SLC9A8: variants seen among roughly 807,000 people sequenced by gnomAD.
SLC9A8 encodes solute carrier family 9 member A8, also known as sodium/hydrogen exchanger 8.
SLC9A8 carries 48 observed loss-of-function variants against 66.6 expected under a neutral mutation model. The ratio of observed to expected loss-of-function variants is 0.72; its 90% CI spans 0.57 to 0.92. The LOEUF (loss-of-function observed/expected upper bound fraction) is 0.92. Among genes scored for constraint, SLC9A8 ranks in the 40% least tolerant of loss-of-function variants. The pLI, the probability that SLC9A8 is intolerant of heterozygous loss-of-function variation, is 0.00. For missense variants in SLC9A8, 599 were observed against 747.3 expected (o/e 0.80, Z 2.31); for synonymous variants, 274 against 282.6 (o/e 0.97, Z 0.31).
At chr20:49,835,270 GCAC>G (rs1186850685) in intron 3 of SLC9A8, among the ~76,000 whole-genome samples, 2 of 151,576 alleles carry the variant, frequency 1.3e-5, no homozygotes, top group African/African-American at 4.9e-5. Context: ...GTTCAATGCA[GCAC>G]CACTGTTAAT....
In SLC9A8 at chr20:49,886,977, T is replaced by G; in HGVS notation, c.1638+79T>G. ...GGACCTGCGGTGGCCCAGGGTGGGG[T>G]GGAGGAAGAGTGGGGAGGCAGGAAA... On this transcript the variant is annotated intron_variant, in intron 15 of 15. Transcript: ENST00000361573. This position sits in a 1 kb window ranked among gnomAD's most constrained non-coding sequence, Gnocchi z 4.8. The G allele has an allele frequency of 6.7e-7, 1 of 1,494,764 alleles. No individual in the cohort carries two copies. The highest frequency in any genetic ancestry group is 1.3e-5 in the South Asian group (1 of 76,248). The allele number at this position is 1,494,764 out of a possible 1,614,324, so 92.6% of individuals were successfully genotyped here. A position where few individuals can be genotyped will look rare whatever the true frequency, so the allele number is the denominator to read the frequency against.
chr20:49,836,925 TCTGGGAG>T (rs1035548220), intron 3 of SLC9A8, among the ~76,000 whole-genome samples: 1 of 152,202 alleles, frequency 6.6e-6, no homozygotes, highest in Non-Finnish European at 1.5e-5. Context: ...GAAAGGTCAA[TCTGGGAG>T]CTGCTTAGGA....
rs1299299488 is a variant in SLC9A8, at chr20:49,862,961, C to T, written c.746C>T (p.Ser249Leu). 1 of 1,613,344 alleles carries T rather than the reference C, an allele frequency of 6.2e-7. No individual in the cohort carries two copies. The highest frequency in any genetic ancestry group is 8.5e-7 in the Non-Finnish European group (1 of 1,179,440). Residue 249 changes from serine (S) to leucine (L), a missense_variant, in exon 9 of 16, where the codon TCA becomes TTA. Physicochemically the swap from Ser to Leu is moderately radical, Grantham distance 145. Around this residue, in one of 2 missense-constraint regions of SLC9A8, gnomAD observed 467 missense variants for 626.5 expected, o/e 0.75. Coordinates refer to ENST00000361573, the MANE Select transcript of SLC9A8 (RefSeq NM_015266.3). ...TAEGLTRKNMSDVSGWQTFLQ... is the reference protein window; with the variant it reads ...TAEGLTRKNMLDVSGWQTFLQ... ...GAAGGTTTAACAAGAAAAAATATGT[C>T]AGATGTCAGTGGGTGGCAAACATTT...
intron 4 of SLC9A8, among the ~76,000 whole-genome samples, chr20:49,844,660 C>T (rs1223776734): frequency 6.9e-6 from 1 of 145,186 alleles, no homozygotes; most frequent in African/African-American, 2.5e-5. Flanking sequence ...ATTAGCCCGG[C>T]ATGGTAGCAC....
chr20:49,870,897 A>G (rs777995576), intron 10 of SLC9A8, among the ~76,000 whole-genome samples: 15 of 152,006 alleles, frequency 9.9e-5, no homozygotes, highest in Non-Finnish European at 2.1e-4. Context: ...AGCCAGTCTC[A>G]CTCTGTTGTT....
intron 14 of SLC9A8, among the ~76,000 whole-genome samples, chr20:49,885,902 C>T (rs1197788307): frequency 1.3e-5 from 2 of 152,200 alleles, no homozygotes; most frequent in African/African-American, 4.8e-5. Flanking sequence ...CACTGGAAAC[C>T]TGTTAGATCT....
At chr20:49,872,085 C>G (rs566305293) in intron 10 of SLC9A8, among the ~76,000 whole-genome samples, 11 of 152,170 alleles carry the variant, frequency 7.2e-5, no homozygotes, top group African/African-American at 2.7e-4. Flanking sequence ...CACCATTGCA[C>G]TCCAGCCTGG....
At chr20:49,854,377 G>A (rs1307753971) in intron 7 of SLC9A8, among the ~76,000 whole-genome samples, 2 of 151,810 alleles carry the variant, frequency 1.3e-5, no homozygotes, top group African/African-American at 4.8e-5. Context: ...CCCACCGCAG[G>A]AGTCGCTTGC....
In SLC9A8 at chr20:49,886,505, C is replaced by T; in HGVS notation, c.1492-247C>T. 2.3e-6 allele frequency: 1 copy of T among 427,796 alleles called. No homozygotes were observed. Among genetic ancestry groups the T allele is most frequent in the African/African-American group, 2.0e-5 (1 of 49,302 alleles). The allele number at this position is 427,796 out of a possible 1,614,324, so 26.5% of individuals were successfully genotyped here. A position where few individuals can be genotyped will look rare whatever the true frequency, so the allele number is the denominator to read the frequency against. On this transcript the variant is annotated intron_variant, in intron 14 of 15. Transcript: ENST00000361573. The surrounding 1 kb of genome is among the most constrained non-coding windows in gnomAD (Gnocchi z 4.8). ...CTTGAAAAGCTTAAAGACCAAGCCCCAGCCTGGCCCAGTCCTTCTGTTTTA... is the reference window on the plus strand; with the variant it reads ...CTTGAAAAGCTTAAAGACCAAGCCCTAGCCTGGCCCAGTCCTTCTGTTTTA...
Position 49,864,758 on chromosome 20 carries a change from T to A in SLC9A8, c.872T>A (p.Leu291Ter), listed in dbSNP as rs1398279469. Residue 291 changes from leucine to a stop codon, truncating the protein, a stop_gained, in exon 10 of 16, where the codon TTG becomes TAG. Coordinates refer to ENST00000361573, the MANE Select transcript of SLC9A8 (RefSeq NM_015266.3). LOFTEE classifies it high-confidence loss of function. ...ISALVLKHID[L>*]RKTPSLEFGM... ...ATTTACGTGCTGAAGCATATTGACT[T>A]GAGGAAAACGCCTTCCTTGGAGTTT... The A allele has an allele frequency of 6.2e-7, 1 of 1,614,032 alleles. No individual in the cohort carries two copies. Among genetic ancestry groups the A allele is most frequent in the Non-Finnish European group, 8.5e-7 (1 of 1,179,866 alleles).
chr20:49,815,289 C>T (rs1053304266), intron 2 of SLC9A8, 100 bp downstream of exon 2: 5 of 1,060,138 alleles, frequency 4.7e-6, no homozygotes, highest in Non-Finnish European at 6.5e-6. Flanking sequence ...TCAAGTCTTC[C>T]TCCCATTTGG....
Position 49,884,054 on chromosome 20 carries a change from G to A in SLC9A8, c.1479G>A (p.Lys493=), listed in dbSNP as rs751527960. The A allele has an allele frequency of 1.2e-6, 2 of 1,613,544 alleles. No individual in the cohort carries two copies. Among genetic ancestry groups the A allele is most frequent in the Non-Finnish European group, 1.7e-6 (2 of 1,179,978 alleles). ...RRNKKDVNLS[K]TEKMGNTVES... is the part of the protein sequence containing the mutation. The stretch of plus-strand genomic sequence containing the variant: ...ACAAGAAGGACGTCAACCTCAGCAA[G>A]ACTGAGAAGATGGTTAGTACCATGC... Residue 493 remains lysine (K), a synonymous_variant, in exon 14 of 16, where the codon AAG becomes AAA. Coordinates refer to ENST00000361573, the MANE Select transcript of SLC9A8 (RefSeq NM_015266.3).
At chr20:49,862,675 A>G (rs2088794883) in intron 8 of SLC9A8, among the ~76,000 whole-genome samples, 1 of 152,080 alleles carries the variant, frequency 6.6e-6, no homozygotes, top group Non-Finnish European at 1.5e-5. Context: ...ATTAGTGTTC[A>G]TCTTGTTTTT....
chr20:49,855,581 A>G lies in SLC9A8; in HGVS notation c.713A>G (p.Asn238Ser), dbSNP rs776108188. ...GATGCAGTCTCCATTGTTCTGACCA[A>G]GTAAGTACGGGGGCAGAGAACAGAC... is the stretch of plus-strand genomic sequence containing the variant. ...LNDAVSIVLT[N>S]TAEGLTRKNM... The change falls in exon 8 of 16, where the codon AAC becomes AGC. Residue 238 changes from asparagine (N) to serine (S), a missense_variant and splice_region_variant. Physicochemically the swap from Asn to Ser is conservative, Grantham distance 46. Transcript: ENST00000361573. The G allele has an allele frequency of 1.2e-6, 2 of 1,613,892 alleles. No homozygotes were observed. The highest frequency in any genetic ancestry group is 3.3e-5 in the Admixed American group (2 of 59,966).
chr20:49,865,323 C>T (rs2088915717), intron 10 of SLC9A8, among the ~76,000 whole-genome samples: 1 of 152,184 alleles, frequency 6.6e-6, no homozygotes, highest in Non-Finnish European at 1.5e-5. Flanking sequence ...CATCATGAAA[C>T]CATGTACTCA....
At chr20:49,866,949 T>C (rs537072625) in intron 10 of SLC9A8, among the ~76,000 whole-genome samples, 2 of 152,234 alleles carry the variant, frequency 1.3e-5, no homozygotes, top group African/African-American at 2.4e-5. Flanking sequence ...CAGATCCCTT[T>C]AGGTTATTTT....
At chr20:49,863,500 C>T (rs1350607700) in intron 9 of SLC9A8, among the ~76,000 whole-genome samples, 4 of 152,134 alleles carry the variant, frequency 2.6e-5, no homozygotes, top group South Asian at 2.1e-4. Flanking sequence ...GGATTGCTTT[C>T]GCCCAGGAGT....
chr20:49,874,678 TTTCTG>T, intron 10 of SLC9A8, 22 bp from the exon 11 acceptor site: 1 of 1,404,000 alleles, frequency 7.1e-7, no homozygotes, highest in Non-Finnish European at 1.0e-6. Flanking sequence ...ACGGCAGTGC[TTTCTG>T]TTCTGTTCTC....
intron 10 of SLC9A8, among the ~76,000 whole-genome samples, chr20:49,867,617 A>G (rs2089029685): frequency 6.6e-6 from 1 of 152,222 alleles, no homozygotes; most frequent in Non-Finnish European, 1.5e-5. Context: ...CCCCGACTCA[A>G]CAGGACAGCC....
Sources: allele counts gnomAD v4.1 joint callset (sites outside exome capture counted in the v4.1 genomes callset), GRCh38; gene constraint gnomAD v4.1.1; regional missense constraint gnomAD v4.1.1; non-coding constraint Gnocchi (gnomAD v3.1); transcripts MANE v1.5; gene names NCBI Gene and HGNC (gene_info 2026-07-23, HGNC 2026-07-21).